Variants in MIA3 observed in about 807,000 individuals in gnomAD.
The protein encoded by MIA3 is transport and Golgi organization protein 1 homolog.
In MIA3, 90 loss-of-function variants were observed where a neutral mutation model predicts 192.4. That is an observed-to-expected ratio of 0.47 (90% CI 0.39 to 0.56). The LOEUF is 0.56. Ranked by LOEUF, MIA3 falls within the 20% of genes least tolerant of loss-of-function variation. The pLI, the probability that MIA3 is intolerant of heterozygous loss-of-function variation, is 0.00. For synonymous variants in MIA3, 740 were observed against 792.8 expected (o/e 0.93, Z 1.12); for missense variants, 2,123 against 2,269.4 (o/e 0.94, Z 1.31).
Position 222,654,376 on chromosome 1 carries a change from C to G in MIA3, c.4378-13C>G. On this transcript the variant is annotated splice_polypyrimidine_tract_variant and intron_variant, in intron 16 of 27. Transcript: ENST00000344922. ...TCACTTTTATGAATACTTGTCTCTTCTGCAATTTTTAGACACAGACTGCAA... is the reference window on the plus strand; with the variant it reads ...TCACTTTTATGAATACTTGTCTCTTGTGCAATTTTTAGACACAGACTGCAA... The G allele has an allele frequency of 6.2e-7, 1 of 1,613,204 alleles. No homozygotes were observed. Among genetic ancestry groups the G allele is most frequent in the Non-Finnish European group, 8.5e-7 (1 of 1,179,300 alleles).
Position 222,654,783 on chromosome 1 carries a change from G to A in MIA3, c.4597G>A (p.Ala1533Thr). 1.2e-6 allele frequency: 2 copies of A among 1,613,476 alleles called. No individual in the cohort carries two copies. Among genetic ancestry groups the A allele is most frequent in the South Asian group, 1.1e-5 (1 of 91,054 alleles). Residue 1533 changes from alanine (A) to threonine (T), a missense_variant, in exon 18 of 28, where the codon GCT (alanine) becomes ACT (threonine). This residue lies in a region of MIA3 where 762 missense variants were observed against 856.4 expected (regional missense o/e 0.89). Transcript: ENST00000344922. ...LNELYQQKEM[A>T]LQKKLSQEEY... is the part of the protein sequence containing the mutation. Reference sequence around the variant, plus strand: ...TGAGCTCTATCAGCAGAAGGAGATGGCTTTGCAAAAGTAAGATTATCATCA... The same window carrying A: ...TGAGCTCTATCAGCAGAAGGAGATGACTTTGCAAAAGTAAGATTATCATCA...
intron 11 of MIA3, 47 bp downstream of exon 11, chr1:222,650,950 TCTTTTG>T: frequency 8.9e-7 from 1 of 1,123,284 alleles, no homozygotes; most frequent in Non-Finnish European, 1.3e-6. Flanking sequence ...GGTTTTGAAC[TCTTTTG>T]TAGATTGAGT....
In MIA3 at chr1:222,653,208, C is replaced by T; in HGVS notation, c.4210-20C>T. On this transcript the variant is annotated intron_variant, in intron 14 of 27. Coordinates refer to ENST00000344922, the MANE Select transcript of MIA3 (RefSeq NM_198551.4). ...GAATTAAATGGAAAGACTCTTAATG[C>T]CCTTTTACTTCTTTTCTAGGCTTTG... 2 of 1,600,008 alleles carry T rather than the reference C, an allele frequency of 1.2e-6. No individual in the cohort carries two copies. The highest frequency in any genetic ancestry group is 1.7e-6 in the Non-Finnish European group (2 of 1,168,656).
intron 24 of MIA3, 64 bp from the exon 25 acceptor site, chr1:222,661,992 C>A: frequency 7.5e-7 from 1 of 1,333,888 alleles, no homozygotes; most frequent in Non-Finnish European, 1.1e-6. Flanking sequence ...GAACCCTGAT[C>A]TGTCCACAAT....
rs2124827652 is a variant in MIA3, at chr1:222,624,511, A to G, written c.268-257A>G. Among the ~76,000 whole-genome samples the G allele has an allele frequency of 1.3e-5, 2 of 152,280 alleles. 1 individual carries two copies. The highest frequency in any genetic ancestry group is 4.2e-4 in the South Asian group (2 of 4,818). On this transcript the variant is annotated intron_variant, in intron 2 of 27. Coordinates refer to ENST00000344922, the MANE Select transcript of MIA3 (RefSeq NM_198551.4). ...TCCAGTAAATTGTACAGTGAGTAAA[A>G]AGTGATCTCTTGTGGTTCTCATGTA...
chr1:222,644,292 C>T lies in MIA3; in HGVS notation c.3478-1262C>T. On this transcript the variant is annotated intron_variant, in intron 6 of 27. Coordinates refer to ENST00000344922, the MANE Select transcript of MIA3 (RefSeq NM_198551.4). The stretch of plus-strand genomic sequence containing the variant: ...TTGGTGCCTTGAGGTGCGCCAGGGG[C>T]AGTGGCTGATGACGTGTTTTATAGG... The T allele has an allele frequency of 5.0e-6, 7 of 1,411,754 alleles. No individual in the cohort carries two copies. In the South Asian group the frequency reaches 8.6e-5, roughly 17 times the overall value. The allele number at this position is 1,411,754 out of a possible 1,614,324, so 87.5% of individuals were successfully genotyped here.
chr1:222,640,688 C>T (rs896792133), intron 6 of MIA3, among the ~76,000 whole-genome samples: 1 of 152,082 alleles, frequency 6.6e-6, no homozygotes, highest in Non-Finnish European at 1.5e-5. Context: ...TTTTGTTGAA[C>T]TTGGATTGGC....
intron 1 of MIA3, among the ~76,000 whole-genome samples, chr1:222,618,746 C>T (rs1430077960): frequency 2.0e-5 from 3 of 151,994 alleles, no homozygotes; most frequent in Admixed American, 2.0e-4. Flanking sequence ...TGGGCGTTTT[C>T]CCAGTGGCAG....
chr1:222,665,197 CAAA>C (rs879011032), intron 27 of MIA3, 109 bp from the exon 28 acceptor site: 24,076 of 365,948 alleles, frequency 0.066, no homozygotes, highest in Middle Eastern at 0.076. Flanking sequence ...ACCCTGCCGC[CAAA>C]AAAAAAAAAA....
chr1:222,654,846 G>A, intron 18 of MIA3, 53 bp downstream of exon 18: 2 of 1,438,128 alleles, frequency 1.4e-6, no homozygotes, highest in East Asian at 2.3e-5. Context: ...GTAAATAAAT[G>A]TGTACTAATA....
Position 222,662,125 on chromosome 1 carries a change from G to A in MIA3, c.5182+1G>A. ...GCATCTGGGAAACCCTCTCCTTCTG[G>A]TAAGGGAGCAAGAGTGTTCAAAGAG... On this transcript the variant is annotated splice_donor_variant, in intron 25 of 27. Transcript: ENST00000344922. LOFTEE classifies it high-confidence loss of function. The A allele has an allele frequency of 1.2e-6, 2 of 1,613,870 alleles. No individual in the cohort carries two copies. Among genetic ancestry groups the A allele is most frequent in the Non-Finnish European group, 1.7e-6 (2 of 1,179,830 alleles).
intron 27 of MIA3, chr1:222,664,741 T>A (rs1307145836): frequency 1.0e-5 from 2 of 195,620 alleles, no homozygotes; most frequent in Non-Finnish European, 2.4e-5. Context: ...AGGTACATCT[T>A]GAGCTACTGC....
At chr1:222,636,284 T>C (rs1662619840) in intron 6 of MIA3, among the ~76,000 whole-genome samples, 1 of 152,210 alleles carries the variant, frequency 6.6e-6, no homozygotes. Flanking sequence ...CCATAGTTTT[T>C]TGTGTGTCAG....
intron 24 of MIA3, 113 bp from the exon 25 acceptor site, chr1:222,661,943 G>T: frequency 1.4e-6 from 1 of 731,756 alleles, no homozygotes; most frequent in Non-Finnish European, 2.3e-6. Flanking sequence ...CATAAATATT[G>T]GGAGACCCAT....
intron 6 of MIA3, chr1:222,644,189 G>T: frequency 4.9e-6 from 4 of 818,402 alleles, no homozygotes; most frequent in East Asian, 4.8e-5. Context: ...TTCCGCTCTA[G>T]CCCTATTCGC....
rs1220388429 is a variant in MIA3 at position 222,651,994 on chromosome 1, A to G, written c.3927A>G (p.Lys1309=). 21 of 1,574,510 alleles carry G rather than the reference A, an allele frequency of 1.3e-5. No homozygotes were observed. Among genetic ancestry groups the G allele is most frequent in the South Asian group, 2.2e-5 (2 of 90,150 alleles). Residue 1309 remains lysine, a synonymous_variant, in exon 12 of 28, where the codon AAA becomes AAG. Coordinates refer to ENST00000344922, the MANE Select transcript of MIA3 (RefSeq NM_198551.4). ...KNQDLISENK[K]SIEKLKDVIS... ...CATGGCAGATATCAGAAAACAAGAA[A>G]TCTATAGAGAAGTTAAAGGATGTTA...
chr1:222,665,695 T>A lies in MIA3; in HGVS notation c.*76T>A. The A allele has an allele frequency of 8.0e-7, 1 of 1,244,388 alleles. No homozygotes were observed. Among genetic ancestry groups the A allele is most frequent in the Non-Finnish European group, 1.1e-6 (1 of 931,962 alleles). The allele number at this position is 1,244,388 out of a possible 1,614,324, so 77.1% of individuals were successfully genotyped here. Reference sequence around the variant, plus strand: ...CATTACAGTAAAGGATTTCATTGGCTTCAAAATCCAAAAGTTTATTTTAAA... The same window carrying A: ...CATTACAGTAAAGGATTTCATTGGCATCAAAATCCAAAAGTTTATTTTAAA... On this transcript the variant is annotated 3_prime_UTR_variant, in exon 28 of 28. Coordinates refer to ENST00000344922, the MANE Select transcript of MIA3 (RefSeq NM_198551.4).
At position 222,628,459 on chromosome 1, in the gene MIA3, AGATGAT is replaced by A. The variant is rs963387467; in HGVS notation, c.1247_1252del (p.Asp416_Asp417del). ...GCTCTAGTTCAGAGGAAGAAAAAGA[AGATGAT>A]GATGATGCATTAGTCCCAGATAGCA... On this transcript the variant is annotated inframe_deletion, in exon 4 of 28. Transcript: ENST00000344922. The A allele has an allele frequency of 6.2e-7, 1 of 1,612,390 alleles. No individual in the cohort carries two copies. Among genetic ancestry groups the A allele is most frequent in the African/African-American group, 1.3e-5 (1 of 74,706 alleles).
In MIA3 at chr1:222,653,056, G is replaced by A. The variant is rs760810343; in HGVS notation, c.4135G>A (p.Glu1379Lys). 9.3e-6 allele frequency: 15 copies of A among 1,613,330 alleles called. No individual in the cohort carries two copies. Among genetic ancestry groups the A allele is most frequent in the Non-Finnish European group, 1.3e-5 (15 of 1,179,290 alleles). Residue 1379 changes from glutamate to lysine, a missense_variant, in exon 14 of 28, where the codon GAG becomes AAG. Glu to Lys is a moderately conservative substitution (Grantham distance 56). Transcript: ENST00000344922. ...DWSKLHAELS[E>K]QIKSFEKSQK... ...GAGTAAATTACATGCTGAGCTCAGTGAGCAAATCAAATCATTTGAGAAGTC... is the reference window on the plus strand; with the variant it reads ...GAGTAAATTACATGCTGAGCTCAGTAAGCAAATCAAATCATTTGAGAAGTC...
Sources: allele counts gnomAD v4.1 joint callset (sites outside exome capture counted in the v4.1 genomes callset), GRCh38; gene constraint gnomAD v4.1.1; regional missense constraint gnomAD v4.1.1; transcripts MANE v1.5; gene names NCBI Gene and HGNC (gene_info 2026-07-23, HGNC 2026-07-21).